CDH13: variants seen among roughly 807,000 people sequenced by gnomAD.
CDH13 encodes cadherin 13.
Under a neutral mutation model 63.8 loss-of-function variants are expected in CDH13, and 24 were observed. The observed-to-expected ratio is 0.38, with a 90% CI of 0.27 to 0.53. CDH13 has a LOEUF of 0.53. Among genes scored for constraint, CDH13 ranks in the 20% least tolerant of loss-of-function variants. The pLI is 0.85. For missense variants in CDH13, 1,049 were observed against 903.1 expected (o/e 1.16, Z -2.07); for synonymous variants, 503 against 355.3 (o/e 1.42, Z -4.67).
chr16:83,108,465 C>G (rs979145115), intron 3 of CDH13, among the ~76,000 whole-genome samples: 1 of 152,212 alleles, frequency 6.6e-6, no homozygotes, highest in South Asian at 2.1e-4. Flanking sequence ...AAGGGTCCTG[C>G]TTGCAGGTCT....
chr16:83,216,002 A>T, intron 4 of CDH13, among the ~76,000 whole-genome samples: 1 of 140,766 alleles, frequency 7.1e-6, no homozygotes, highest in East Asian at 2.4e-4. Context: ...CCATACTTTG[A>T]CCCCAACTGC....
Position 82,641,738 on chromosome 16 carries a change from C to T in CDH13, c.45+14601C>T, listed in dbSNP as rs967639461. Reference sequence around the variant, plus strand: ...CAGTCATTTATCAACAAATATTACTCAGCACTGACTGAGTGCTCAACACTT... The same window carrying T: ...CAGTCATTTATCAACAAATATTACTTAGCACTGACTGAGTGCTCAACACTT... On this transcript the variant is annotated intron_variant, in intron 1 of 13. Transcript: ENST00000567109. 1.3e-4 allele frequency among the ~76,000 whole-genome samples: 20 copies of T among 152,178 alleles called. 1 individual carries two copies. The highest frequency in any genetic ancestry group is 6.5e-5 in the Admixed American group (1 of 15,278).
intron 2 of CDH13, among the ~76,000 whole-genome samples, chr16:82,998,675 C>T (rs2151419738): frequency 6.6e-6 from 1 of 152,200 alleles, no homozygotes; most frequent in South Asian, 2.1e-4. Context: ...TTGATCTTGT[C>T]CTCTGACAAG....
At chr16:83,701,597 C>T (rs1000907008) in intron 10 of CDH13, among the ~76,000 whole-genome samples, 2 of 152,138 alleles carry the variant, frequency 1.3e-5, no homozygotes, top group Admixed American at 6.5e-5. Context: ...TCTGGTGGTT[C>T]CCCAAATGTG....
At chr16:83,135,803 C>T (rs997295660) in intron 4 of CDH13, among the ~76,000 whole-genome samples, 1 of 152,206 alleles carries the variant, frequency 6.6e-6, no homozygotes, top group Non-Finnish European at 1.5e-5. Context: ...GATAAAGAAA[C>T]TGTGACATAT....
chr16:83,208,608 T>G (rs578128648), intron 4 of CDH13, among the ~76,000 whole-genome samples: 1 of 152,324 alleles, frequency 6.6e-6, no homozygotes, highest in South Asian at 2.1e-4. Flanking sequence ...TTTATAAAAC[T>G]GAAAATATTA....
intron 11 of CDH13, among the ~76,000 whole-genome samples, chr16:83,767,771 C>A (rs549246817): frequency 7.9e-4 from 121 of 152,246 alleles, no homozygotes; most frequent in Non-Finnish European, 1.4e-3. Flanking sequence ...TATATGACTC[C>A]ATTTATATTA....
At chr16:83,440,133 G>A (rs936736737) in intron 6 of CDH13, among the ~76,000 whole-genome samples, 3 of 152,174 alleles carry the variant, frequency 2.0e-5, no homozygotes, top group Non-Finnish European at 4.4e-5. Context: ...TGGCTTGTTG[G>A]GGATGGAGAA....
intron 1 of CDH13, among the ~76,000 whole-genome samples, chr16:82,650,416 C>T (rs1021534906): frequency 2.0e-5 from 3 of 152,152 alleles, no homozygotes; most frequent in African/African-American, 7.2e-5. Flanking sequence ...AGTGCCCTTT[C>T]TCTATTCCAG....
chr16:83,349,866 C>G (rs186394213), intron 6 of CDH13, among the ~76,000 whole-genome samples: 7 of 152,224 alleles, frequency 4.6e-5, no homozygotes, highest in African/African-American at 1.7e-4. Flanking sequence ...CTCCCAAATG[C>G]TGGGATTACA....
At chr16:83,486,062 G>C (rs2073880156) in intron 6 of CDH13, among the ~76,000 whole-genome samples, 1 of 152,136 alleles carries the variant, frequency 6.6e-6, no homozygotes, top group Admixed American at 6.5e-5. Flanking sequence ...AGAATCACTT[G>C]AACCTGGGAG....
intron 5 of CDH13, among the ~76,000 whole-genome samples, chr16:83,334,669 C>T (rs190508858): frequency 3.3e-5 from 5 of 152,276 alleles, no homozygotes; most frequent in South Asian, 2.1e-4. Flanking sequence ...AGCCACCATA[C>T]CTGGCCCAAT....
intron 5 of CDH13, among the ~76,000 whole-genome samples, chr16:83,269,199 T>G (rs1299626393): frequency 2.0e-5 from 3 of 152,210 alleles, no homozygotes; most frequent in Non-Finnish European, 4.4e-5. Context: ...TGTCATAACC[T>G]AACATAGTTT....
intron 7 of CDH13, among the ~76,000 whole-genome samples, chr16:83,500,687 C>G (rs1377197586): frequency 6.7e-6 from 1 of 148,658 alleles, no homozygotes; most frequent in Non-Finnish European, 1.5e-5. Context: ...ATTCTCGCAC[C>G]TCAGCCTCCT....
chr16:83,106,627 T>C (rs1198569411), intron 3 of CDH13, among the ~76,000 whole-genome samples: 1 of 152,212 alleles, frequency 6.6e-6, no homozygotes, highest in African/African-American at 2.4e-5. Flanking sequence ...CCACAAGATG[T>C]ATTGTGCCGC....
At chr16:83,487,709 T>C (rs1466841668) in intron 7 of CDH13, among the ~76,000 whole-genome samples, 1 of 147,256 alleles carries the variant, frequency 6.8e-6, no homozygotes, top group Non-Finnish European at 1.5e-5. Flanking sequence ...GGCCTTGGAG[T>C]TGTCCTTGAC....
chr16:83,695,680 G>T (rs995577757), intron 10 of CDH13, among the ~76,000 whole-genome samples: 2 of 152,150 alleles, frequency 1.3e-5, no homozygotes, highest in Non-Finnish European at 2.9e-5. Context: ...GGGCCAGGAA[G>T]AAAGGATAAA....
intron 3 of CDH13, among the ~76,000 whole-genome samples, chr16:83,123,363 T>A (rs552503655): frequency 1.3e-5 from 2 of 152,222 alleles, no homozygotes; most frequent in South Asian, 4.2e-4. Flanking sequence ...CACTGCAACC[T>A]CTGACTCTTG....
chr16:83,794,778 G>A (rs901583791), intron 13 of CDH13, among the ~76,000 whole-genome samples: 5 of 151,930 alleles, frequency 3.3e-5, no homozygotes, highest in African/African-American at 4.8e-5. Context: ...AGCAGCTCTC[G>A]GTCTGAGCGA....
Sources: gnomAD v4.1 joint callset for allele counts (sites outside exome capture counted in the v4.1 genomes callset) on GRCh38, gnomAD v4.1.1 for gene constraint, MANE v1.5 for transcripts, NCBI Gene and HGNC (gene_info 2026-07-23, HGNC 2026-07-21) for gene names.